The following ZMYND10 variants were observed in gnomAD, a reference collection of about 807,000 sequenced individuals.
ZMYND10 encodes the protein zinc finger MYND domain-containing protein 10.
A neutral mutation model predicts 62.6 loss-of-function variants in ZMYND10; 52 were observed. The ratio of observed to expected loss-of-function variants is 0.83; its 90% CI spans 0.67 to 1.05. The LOEUF (loss-of-function observed/expected upper bound fraction) is 1.05. Ranked by LOEUF, ZMYND10 falls within the 50% of genes least tolerant of loss-of-function variation. The pLI, the probability that ZMYND10 is intolerant of heterozygous loss-of-function variation, is 0.00. For synonymous variants in ZMYND10, 197 were observed against 218.5 expected (o/e 0.90, Z 0.87); for missense variants, 438 against 543.3 (o/e 0.81, Z 1.93).
intron 2 of ZMYND10, 71 bp from the exon 3 acceptor site, chr3:50,343,921 C>T: frequency 7.2e-7 from 1 of 1,388,518 alleles, no homozygotes; most frequent in Non-Finnish European, 1.0e-6. Context: ...CCATCCCCGG[C>T]TCAGCTCAAC....
rs1298338648 is a variant in ZMYND10 at position 50,345,160 on chromosome 3, G to A, written c.165C>T (p.Gly55=). The change falls in exon 2 of 12, where the codon GGC becomes GGT. Residue 55 remains glycine, a synonymous_variant. Transcript: ENST00000231749. This position sits in a 1 kb window ranked among gnomAD's most constrained non-coding sequence, Gnocchi z 5.0. ...TGACCAGCAGCTCCTGAATGGGCTC[G>A]CCCTGGCTGACTGTGGCATCGAGGA... ...QAILDATVSQ[G]EPIQELLVTH... is the part of the protein sequence containing the mutation. 6.8e-6 allele frequency: 11 copies of A among 1,613,888 alleles called. No individual in the cohort carries two copies. Among genetic ancestry groups the A allele is most frequent in the East Asian group, 2.2e-5 (1 of 44,878 alleles).
chr3:50,342,410 CCCT>C lies in ZMYND10; in HGVS notation c.857_859del (p.Lys286_Gly287delinsArg). On this transcript the variant is annotated inframe_deletion, in exon 8 of 12. Transcript: ENST00000231749. Reference sequence around the variant, plus strand: ...AGGGAGTCTGACCTTGAGTAGCCGTCCCTTGGCAAAACTTGTGAGGCAGTAGCG... The same window carrying C: ...AGGGAGTCTGACCTTGAGTAGCCGTCTGGCAAAACTTGTGAGGCAGTAGCG... The C allele has an allele frequency of 6.3e-7, 1 of 1,585,656 alleles. No individual in the cohort carries two copies. Among genetic ancestry groups the C allele is most frequent in the South Asian group, 1.1e-5 (1 of 87,916 alleles).
chr3:50,342,393 T>A lies in ZMYND10; in HGVS notation c.873+4A>T, dbSNP rs185474627. ...TGTGGGGGCTGGTGCGGAGGGAGTC[T>A]GACCTTGAGTAGCCGTCCCTTGGCA... On this transcript the variant is annotated splice_donor_region_variant and intron_variant, in intron 8 of 11. Transcript: ENST00000231749. 8.7e-4 allele frequency: 1,365 copies of A among 1,569,298 alleles called. 7 individuals carry two copies. The highest frequency in any genetic ancestry group is 5.6e-4 in the Non-Finnish European group (644 of 1,156,446).
rs1298463059 is a variant in ZMYND10 at position 50,343,305 on chromosome 3, AC to A, written c.510+1del. 2 of 1,611,672 alleles carry A rather than the reference AC, an allele frequency of 1.2e-6. No individual in the cohort carries two copies. The highest frequency in any genetic ancestry group is 1.7e-6 in the Non-Finnish European group (2 of 1,178,792). ...TCACAACCCTAGGTAACCTCAACCC[AC>A]CTGCATGGGGTTGCTGTCCTGGGAT... On this transcript the variant is annotated splice_donor_variant, in intron 5 of 11. Coordinates refer to ENST00000231749, the MANE Select transcript of ZMYND10 (RefSeq NM_015896.4). LOFTEE classifies it high-confidence loss of function.
chr3:50,344,783 C>T (rs1703491387), intron 2 of ZMYND10: 1 of 145,188 alleles, frequency 6.9e-6, no homozygotes, highest in African/African-American at 2.6e-5. Flanking sequence ...AGGTTATCTC[C>T]CCTCCCTCCC....
rs769514679 is a variant in ZMYND10, at chr3:50,343,322, G to A, written c.495C>T (p.Asp165=). ...CTCAACCCACCTGCATGGGGTTGCT[G>A]TCCTGGGATCCCTCCCCCTCAGGGG... The part of the protein sequence containing the change: ...GGPPEGEGSQ[D]SNPMQELQKQ... The change falls in exon 5 of 12, where the codon GAC becomes GAT. Residue 165 remains aspartate (D), a synonymous_variant. Coordinates refer to ENST00000231749, the MANE Select transcript of ZMYND10 (RefSeq NM_015896.4). 11 of 1,612,138 alleles carry A rather than the reference G, an allele frequency of 6.8e-6. No homozygotes were observed. Among genetic ancestry groups the A allele is most frequent in the South Asian group, 6.6e-5 (6 of 90,800 alleles).
chr3:50,341,851 C>T lies in ZMYND10; in HGVS notation c.1080G>A (p.Val360=), dbSNP rs766017967. 6.1e-5 allele frequency: 99 copies of T among 1,614,012 alleles called. No individual in the cohort carries two copies. The highest frequency in any genetic ancestry group is 8.2e-5 in the Non-Finnish European group (97 of 1,180,038). ...GCAGGTCCTGCTCTGAGGGGCTGAA[C>T]ACATGCTGGAGCTGGTGCTTGGCAA... ...QAIAKHQLQH[V]FSPSEQDLRL... The change falls in exon 10 of 12, where the codon GTG becomes GTA. Residue 360 remains valine (V), a synonymous_variant. Transcript: ENST00000231749.
In ZMYND10 at chr3:50,345,715, C is replaced by A; in HGVS notation, c.-136G>T. On this transcript the variant is annotated 5_prime_UTR_variant, in exon 1 of 12. Coordinates refer to ENST00000231749, the MANE Select transcript of ZMYND10 (RefSeq NM_015896.4). This position sits in a 1 kb window ranked among gnomAD's most constrained non-coding sequence, Gnocchi z 5.0. Reference sequence around the variant, plus strand: ...GACGGTTGGGGAGCGTCAGTTCTCGCAGCCATGGAAACGGGTTAGCCGCGC... The same window carrying A: ...GACGGTTGGGGAGCGTCAGTTCTCGAAGCCATGGAAACGGGTTAGCCGCGC... 1 of 1,473,426 alleles carries A rather than the reference C, an allele frequency of 6.8e-7. No homozygotes were observed. Among genetic ancestry groups the A allele is most frequent in the Non-Finnish European group, 9.0e-7 (1 of 1,110,494 alleles). The allele number at this position is 1,473,426 out of a possible 1,614,324, so 91.3% of individuals were successfully genotyped here.
chr3:50,342,616 C>T, intron 7 of ZMYND10, 47 bp from the exon 8 acceptor site: 2 of 1,579,592 alleles, frequency 1.3e-6, no homozygotes, highest in Middle Eastern at 1.7e-4. Flanking sequence ...GAATTCTCTT[C>T]AAGTGAGCCA....
chr3:50,342,379 G>T lies in ZMYND10; in HGVS notation c.873+18C>A. ...GGCGGTACTGGGGCTGTGGGGGCTG[G>T]TGCGGAGGGAGTCTGACCTTGAGTA... On this transcript the variant is annotated intron_variant, in intron 8 of 11. Coordinates refer to ENST00000231749, the MANE Select transcript of ZMYND10 (RefSeq NM_015896.4). 1 of 1,561,114 alleles carries T rather than the reference G, an allele frequency of 6.4e-7. No individual in the cohort carries two copies.
chr3:50,343,416 A>G lies in ZMYND10; in HGVS notation c.401T>C (p.Val134Ala). Residue 134 changes from valine to alanine, a missense_variant, in exon 5 of 12, where the codon GTC (valine) becomes GCC (alanine). Coordinates refer to ENST00000231749, the MANE Select transcript of ZMYND10 (RefSeq NM_015896.4). The part of the protein sequence containing the change: ...KEVCESAEDT[V>A]LDLVDYCHRK... Reference sequence around the variant, plus strand: ...GTGGCAATAGTCTACCAAGTCCAAGACAGTGTCTTCTGCTGACTCACACAC... The same window carrying G: ...GTGGCAATAGTCTACCAAGTCCAAGGCAGTGTCTTCTGCTGACTCACACAC... 1 of 1,613,286 alleles carries G rather than the reference A, an allele frequency of 6.2e-7. No homozygotes were observed. Among genetic ancestry groups the G allele is most frequent in the Non-Finnish European group, 8.5e-7 (1 of 1,179,400 alleles).
Position 50,343,149 on chromosome 3 carries a change from C to T in ZMYND10, c.568G>A (p.Val190Ile). 4.3e-6 allele frequency: 7 copies of T among 1,614,242 alleles called. No individual in the cohort carries two copies. The highest frequency in any genetic ancestry group is 5.9e-6 in the Non-Finnish European group (7 of 1,180,028). ...EFEIALKALS[V>I]LRYITDCVDS... The stretch of plus-strand genomic sequence containing the variant: ...ACACAGTCTGTGATGTAGCGTAGTA[C>T]TGAGAGGGCCTTCAGTGCAATCTCA... Residue 190 changes from valine (V) to isoleucine (I), a missense_variant, in exon 6 of 12, where the codon GTA becomes ATA. Physicochemically the swap from Val to Ile is conservative, Grantham distance 29. Coordinates refer to ENST00000231749, the MANE Select transcript of ZMYND10 (RefSeq NM_015896.4).
intron 2 of ZMYND10, chr3:50,344,173 A>C (rs1703471598): frequency 7.9e-6 from 3 of 378,536 alleles, no homozygotes; most frequent in Non-Finnish European, 1.0e-5. Context: ...CCTTCTCCTC[A>C]TGCCCTCCCT....
At position 50,341,276 on chromosome 3, in the gene ZMYND10, C is replaced by A. The variant is rs112780151; in HGVS notation, c.*134G>T. 3,832 of 1,128,220 alleles carry A rather than the reference C, an allele frequency of 3.4e-3. 76 individuals carry two copies. In the African/African-American group the frequency reaches 0.051, roughly 15 times the overall value. 69.9% of individuals were successfully genotyped at this position (1,128,220 alleles called of 1,614,324 possible). A position where few individuals can be genotyped will look rare whatever the true frequency, so the allele number is the denominator to read the frequency against. The stretch of plus-strand genomic sequence containing the variant: ...GAGGAGGAGGGAGATCGGTCAGCAG[C>A]TTTACCGCCCGCTCTGCTCTCCACT... On this transcript the variant is annotated 3_prime_UTR_variant, in exon 12 of 12. Transcript: ENST00000231749.
chr3:50,341,254 G>A lies in ZMYND10; in HGVS notation c.*156C>T. On this transcript the variant is annotated 3_prime_UTR_variant, in exon 12 of 12. Coordinates refer to ENST00000231749, the MANE Select transcript of ZMYND10 (RefSeq NM_015896.4). ...GTCTCGAGCCTTCACTTGGGGTGAG[G>A]AGGAGGGAGATCGGTCAGCAGCTTT... The A allele has an allele frequency of 1.1e-6, 1 of 891,710 alleles. No individual in the cohort carries two copies. 55.2% of individuals were successfully genotyped at this position (891,710 alleles called of 1,614,324 possible).
chr3:50,344,340 C>T (rs587734945), intron 2 of ZMYND10, among the ~76,000 whole-genome samples: 21 of 129,972 alleles, frequency 1.6e-4, no homozygotes, highest in East Asian at 4.3e-4. Flanking sequence ...TTTTTTGAGA[C>T]GGAGTTTCAC....
chr3:50,342,093 C>T lies in ZMYND10; in HGVS notation c.921G>A (p.Leu307=). ...TDTLLDQLPN[L]AHLQSFLAHL... is the part of the protein sequence containing the mutation. ...GGGCCAGGAAACTCTGCAAGTGGGC[C>T]AGGTTGGGCAGCTGGTCCAGCAGTG... Residue 307 remains leucine, a synonymous_variant, in exon 9 of 12, where the codon CTG becomes CTA. Transcript: ENST00000231749. 1.2e-6 allele frequency: 2 copies of T among 1,613,776 alleles called. No individual in the cohort carries two copies. The highest frequency in any genetic ancestry group is 1.7e-6 in the Non-Finnish European group (2 of 1,179,908).
At position 50,345,504 on chromosome 3, in the gene ZMYND10, C is replaced by CCT; in HGVS notation, c.75_76insAG (p.Glu26ArgfsTer18). 6.2e-7 allele frequency: 1 copy of CCT among 1,606,228 alleles called. No homozygotes were observed. The highest frequency in any genetic ancestry group is 1.1e-5 in the South Asian group (1 of 89,434). On this transcript the variant is annotated frameshift_variant, in exon 1 of 12. Coordinates refer to ENST00000231749, the MANE Select transcript of ZMYND10 (RefSeq NM_015896.4). LOFTEE classifies it high-confidence loss of function. This position sits in a 1 kb window ranked among gnomAD's most constrained non-coding sequence, Gnocchi z 5.0. ...GTGCCTCACCCTTCGGAGCCCATCT[C>CCT]GCGTAGCGGGAAGCTGCGCAGACCC...
chr3:50,342,582 A>G lies in ZMYND10; in HGVS notation c.701-13T>C. ...TGCTGCAGCTTGCCTGGGGAGAGGA[A>G]CCAGCACACTGGGTGCAGACGTTGA... On this transcript the variant is annotated splice_polypyrimidine_tract_variant and intron_variant, in intron 7 of 11. Transcript: ENST00000231749. The G allele has an allele frequency of 6.2e-7, 1 of 1,608,760 alleles. No individual in the cohort carries two copies.
Sources: gnomAD v4.1 joint callset for allele counts (sites outside exome capture counted in the v4.1 genomes callset) on GRCh38, gnomAD v4.1.1 for gene constraint, Gnocchi (gnomAD v3.1) non-coding constraint, MANE v1.5 for transcripts, NCBI Gene and HGNC (gene_info 2026-07-23, HGNC 2026-07-21) for gene names.